The following PNPLA1 variants were observed in gnomAD, a reference collection of about 807,000 sequenced individuals.
PNPLA1 encodes the protein omega-hydroxyceramide transacylase.
In PNPLA1, 36 loss-of-function variants were observed where a neutral mutation model predicts 51.7. That is an observed-to-expected ratio of 0.70 (90% CI 0.53 to 0.92). The LOEUF (loss-of-function observed/expected upper bound fraction) is 0.92. PNPLA1 is among the 40% of genes least tolerant of loss of function. The pLI is 0.00. For synonymous variants in PNPLA1, 293 were observed against 280.1 expected, an observed-to-expected ratio of 1.05 and a Z score of -0.46; for missense variants, 658 against 682.5, an observed-to-expected ratio of 0.96 and a Z score of 0.40.
At position 36,294,174 on chromosome 6, in the gene PNPLA1, C is replaced by G; in HGVS notation, c.505-16C>G. Reference sequence around the variant, plus strand: ...ACTCTGGCCCCAAGTGGGCATTTCTCACTCTGCCCCCACAGAGGTACATCG... The same window carrying G: ...ACTCTGGCCCCAAGTGGGCATTTCTGACTCTGCCCCCACAGAGGTACATCG... On this transcript the variant is annotated splice_polypyrimidine_tract_variant and intron_variant, in intron 3 of 8. Coordinates refer to ENST00000636260, the MANE Select transcript of PNPLA1 (RefSeq NM_001374623.1). The surrounding 1 kb of genome is among the most constrained non-coding windows in gnomAD (Gnocchi z 4.2). 1 of 1,613,336 alleles carries G rather than the reference C, an allele frequency of 6.2e-7. No homozygotes were observed. The highest frequency in any genetic ancestry group is 8.5e-7 in the Non-Finnish European group (1 of 1,179,512).
Position 36,302,044 on chromosome 6 carries a change from G to A in PNPLA1, c.959G>A (p.Gly320Glu). Residue 320 changes from glycine to glutamate, a missense_variant, in exon 6 of 9, where the codon GGA (glycine) becomes GAA (glutamate). Gly to Glu is a moderately conservative substitution (Grantham distance 98). Transcript: ENST00000636260. Reference protein sequence around the residue: ...PHKEWVPKGDGRGSHGPPVSQ... With the variant: ...PHKEWVPKGDERGSHGPPVSQ... ...AAGGAGTGGGTTCCCAAAGGGGATG[G>A]AAGGGGCAGCCATGGTCCGCCTGTG... 1.9e-6 allele frequency: 3 copies of A among 1,614,206 alleles called. No homozygotes were observed. In the Admixed American group the frequency reaches 5.0e-5, roughly 27 times the overall value.
At chr6:36,275,330 C>T (rs1770057217) in intron 1 of PNPLA1, among the ~76,000 whole-genome samples, 1 of 152,198 alleles carries the variant, frequency 6.6e-6, no homozygotes, top group African/African-American at 2.4e-5. Flanking sequence ...ATCCTCCTTC[C>T]TCAGCCTCCC....
chr6:36,286,459 TAAAAAG>T (rs1481301086), intron 1 of PNPLA1, among the ~76,000 whole-genome samples: 4 of 151,662 alleles, frequency 2.6e-5, no homozygotes, highest in Non-Finnish European at 5.9e-5. Context: ...TTCTACAAAA[TAAAAAG>T]AATTATCTGG....
At chr6:36,301,649 A>T (rs1319974728) in intron 5 of PNPLA1, among the ~76,000 whole-genome samples, 1 of 152,130 alleles carries the variant, frequency 6.6e-6, no homozygotes, top group Non-Finnish European at 1.5e-5. Context: ...GAAACTCTAG[A>T]TAATTTGGGT....
intron 1 of PNPLA1, among the ~76,000 whole-genome samples, chr6:36,252,839 C>T (rs1240691822): frequency 6.6e-6 from 1 of 152,214 alleles, no homozygotes; most frequent in Non-Finnish European, 1.5e-5. Flanking sequence ...CTTTGCCTTG[C>T]AATTTTCATT....
At chr6:36,306,404 C>G (rs768460025) in intron 7 of PNPLA1, 28 bp downstream of exon 7, 1 of 1,583,684 alleles carries the variant, frequency 6.3e-7, no homozygotes, top group Non-Finnish European at 8.6e-7. Flanking sequence ...GGAGCACGCT[C>G]TTTCCTTTGG....
intron 1 of PNPLA1, among the ~76,000 whole-genome samples, chr6:36,251,330 T>A (rs556148764): frequency 2.4e-4 from 37 of 152,130 alleles, no homozygotes; most frequent in African/African-American, 8.7e-4. Flanking sequence ...CTGCTGGGTT[T>A]GGTTTCTCTG....
At chr6:36,243,510 G>A (rs1332562782) in intron 1 of PNPLA1, among the ~76,000 whole-genome samples, 1 of 152,196 alleles carries the variant, frequency 6.6e-6, no homozygotes, top group Non-Finnish European at 1.5e-5. Flanking sequence ...GTCCTGGGGT[G>A]GGCCCAGGAA....
At chr6:36,246,707 G>A (rs1320800461) in intron 1 of PNPLA1, among the ~76,000 whole-genome samples, 3 of 152,084 alleles carry the variant, frequency 2.0e-5, no homozygotes, top group Non-Finnish European at 4.4e-5. Flanking sequence ...TGCACAATTC[G>A]AGCTCCGTCC....
chr6:36,276,583 C>A (rs1233603543), intron 1 of PNPLA1, among the ~76,000 whole-genome samples: 1 of 152,162 alleles, frequency 6.6e-6, no homozygotes, highest in African/African-American at 2.4e-5. Flanking sequence ...GGAAACGTGC[C>A]TCAAAGCTGC....
At chr6:36,247,763 G>T (rs1769329063) in intron 1 of PNPLA1, among the ~76,000 whole-genome samples, 1 of 152,154 alleles carries the variant, frequency 6.6e-6, no homozygotes, top group Non-Finnish European at 1.5e-5. Context: ...AGCTCCTTTT[G>T]GTCTGGGAGA....
intron 1 of PNPLA1, chr6:36,243,325 T>TC (rs1769182215): frequency 5.9e-5 from 9 of 151,358 alleles, no homozygotes; most frequent in Admixed American, 2.6e-4. Flanking sequence ...GGTGCGAAGA[T>TC]TCTTGAAGGA....
At chr6:36,308,825 G>A (rs1771321424) in intron 8 of PNPLA1, among the ~76,000 whole-genome samples, 2 of 152,132 alleles carry the variant, frequency 1.3e-5, no homozygotes, top group South Asian at 2.1e-4. Context: ...ATTTCATTGG[G>A]TTATCAAAGT....
At chr6:36,295,680 C>T (rs1770838514) in intron 5 of PNPLA1, among the ~76,000 whole-genome samples, 1 of 152,200 alleles carries the variant, frequency 6.6e-6, no homozygotes, top group African/African-American at 2.4e-5. Flanking sequence ...GACAGTTGTG[C>T]ATGTATGCTT....
At chr6:36,282,099 AGG>A (rs1770317664) in intron 1 of PNPLA1, among the ~76,000 whole-genome samples, 1 of 140,438 alleles carries the variant, frequency 7.1e-6, no homozygotes, top group African/African-American at 2.8e-5. Flanking sequence ...GAAGGAAGGA[AGG>A]AAGGAAGGAA....
chr6:36,273,967 G>T (rs1429988938), intron 1 of PNPLA1, among the ~76,000 whole-genome samples: 1 of 152,028 alleles, frequency 6.6e-6, no homozygotes, highest in Non-Finnish European at 1.5e-5. Context: ...GGGTGAGGGA[G>T]GTATGTGTGG....
chr6:36,247,890 C>G (rs554621552), intron 1 of PNPLA1, among the ~76,000 whole-genome samples: 1 of 152,308 alleles, frequency 6.6e-6, no homozygotes, highest in African/African-American at 2.4e-5. Flanking sequence ...GTTTGGATGG[C>G]TGTGATTATC....
chr6:36,248,472 G>A (rs939050755), intron 1 of PNPLA1, among the ~76,000 whole-genome samples: 7 of 152,012 alleles, frequency 4.6e-5, no homozygotes, highest in East Asian at 1.9e-4. Context: ...ACTCGGGCTC[G>A]TGCTTATAAC....
At chr6:36,248,874 G>A (rs907251454) in intron 1 of PNPLA1, among the ~76,000 whole-genome samples, 15 of 152,284 alleles carry the variant, frequency 9.9e-5, no homozygotes, top group South Asian at 2.1e-4. Context: ...CTATTGAGAA[G>A]AACTTCATCT....
Sources: allele counts gnomAD v4.1 joint callset (sites outside exome capture counted in the v4.1 genomes callset), GRCh38; gene constraint gnomAD v4.1.1; non-coding constraint Gnocchi (gnomAD v3.1); transcripts MANE v1.5; gene names NCBI Gene and HGNC (gene_info 2026-07-23, HGNC 2026-07-21).